The following SF3A1 variants were observed in gnomAD, a reference collection of about 807,000 sequenced individuals.
SF3A1 encodes SAP 114.
A neutral mutation model predicts 89.9 loss-of-function variants in SF3A1; 13 were observed. The ratio of observed to expected loss-of-function variants is 0.14; its 90% CI spans 0.09 to 0.23. The LOEUF (loss-of-function observed/expected upper bound fraction) is 0.23, where lower values mean the gene tolerates loss of function less well. Ranked by LOEUF, SF3A1 falls within the 10% of genes least tolerant of loss-of-function variation. The pLI is 1.00. For synonymous variants in SF3A1, 405 were observed against 374.4 expected, an observed-to-expected ratio of 1.08 and a Z score of -0.94; for missense variants, 604 against 1,022.1, an observed-to-expected ratio of 0.59 and a Z score of 5.58.
At chr22:30,343,654 A>G (rs973787050) in intron 4 of SF3A1, among the ~76,000 whole-genome samples, 1 of 152,230 alleles carries the variant, frequency 6.6e-6, no homozygotes, top group Non-Finnish European at 1.5e-5. Flanking sequence ...TTCTGAAGAA[A>G]AAACAGGAAA....
At chr22:30,342,395 T>G (rs1256381304) in intron 5 of SF3A1, 45 bp from the exon 6 acceptor site, 1 of 1,554,040 alleles carries the variant, frequency 6.4e-7, no homozygotes, top group Non-Finnish European at 8.7e-7. Flanking sequence ...AAGCAGGGTC[T>G]GCTCCTGATG....
chr22:30,356,533 C>A, intron 1 of SF3A1, 197 bp downstream of exon 1: 1 of 419,344 alleles, frequency 2.4e-6, no homozygotes, highest in Non-Finnish European at 4.1e-6. Context: ...GGGGCTGCTC[C>A]GCGGACCACT....
chr22:30,356,721 G>T lies in SF3A1; in HGVS notation c.63+9C>A. The T allele has an allele frequency of 1.3e-6, 2 of 1,490,114 alleles. No individual in the cohort carries two copies. The highest frequency in any genetic ancestry group is 1.8e-6 in the Non-Finnish European group (2 of 1,116,084). 92.3% of individuals were successfully genotyped at this position (1,490,114 alleles called of 1,614,324 possible). A position where few individuals can be genotyped will look rare whatever the true frequency, so the allele number is the denominator to read the frequency against. ...TCCGGCTGCAGGCTGAGGGGCGGGG[G>T]AGAGGTACCTGTTTGGGCTCCGTGG... On this transcript the variant is annotated intron_variant, in intron 1 of 15. Transcript: ENST00000215793.
chr22:30,355,911 T>C (rs1931803611), intron 1 of SF3A1, among the ~76,000 whole-genome samples: 1 of 148,724 alleles, frequency 6.7e-6, no homozygotes, highest in African/African-American at 2.5e-5. Flanking sequence ...CTATTTCCCT[T>C]CCCTAGTCAC....
At chr22:30,353,103 A>G (rs930845517) in intron 1 of SF3A1, 31 bp from the exon 2 acceptor site, 1 of 1,611,670 alleles carries the variant, frequency 6.2e-7, no homozygotes, top group African/African-American at 1.3e-5. Flanking sequence ...ATAAGGTTTT[A>G]AAGTCCCTGG....
At chr22:30,335,283 G>C (rs1186725824) in intron 15 of SF3A1, among the ~76,000 whole-genome samples, 184 bp downstream of exon 15, 1 of 152,144 alleles carries the variant, frequency 6.6e-6, no homozygotes, top group African/African-American at 2.4e-5. Context: ...CCCCACCAGA[G>C]CCTTGCATTG....
intron 11 of SF3A1, among the ~76,000 whole-genome samples, chr22:30,338,325 G>C (rs1931140287): frequency 6.6e-6 from 1 of 152,066 alleles, no homozygotes; most frequent in Non-Finnish European, 1.5e-5. Flanking sequence ...GGGCATGGTG[G>C]CGCATCCCTG....
At chr22:30,348,455 G>C (rs5753083) in intron 2 of SF3A1, among the ~76,000 whole-genome samples, 48,292 of 152,010 alleles carry the variant, frequency 0.32, 7,924 homozygotes, top group East Asian at 0.42. Context: ...CCAAGCCTGG[G>C]CAACAAAATG....
At chr22:30,344,213 G>A (rs1410885392) in intron 4 of SF3A1, among the ~76,000 whole-genome samples, 1 of 152,194 alleles carries the variant, frequency 6.6e-6, no homozygotes, top group Non-Finnish European at 1.5e-5. Context: ...CCCTGGCCAT[G>A]CTAACTTCAC....
intron 9 of SF3A1, 119 bp downstream of exon 9, chr22:30,340,077 A>G (rs1295562162): frequency 2.4e-6 from 2 of 835,898 alleles, no homozygotes; most frequent in Non-Finnish European, 3.4e-6. Flanking sequence ...GCAATATCAT[A>G]GAGTGCAACT....
At chr22:30,335,396 G>A in intron 15 of SF3A1, 71 bp downstream of exon 15, 1 of 1,312,254 alleles carries the variant, frequency 7.6e-7, no homozygotes, top group African/African-American at 1.4e-5. Context: ...TAGCTTCCAT[G>A]ACAGATTTAG....
intron 3 of SF3A1, 188 bp downstream of exon 3, chr22:30,346,124 G>A (rs1931410314): frequency 1.7e-6 from 1 of 593,662 alleles, no homozygotes; most frequent in Non-Finnish European, 3.0e-6. Flanking sequence ...GACAAGCAGT[G>A]CTCGGGAAAT....
intron 11 of SF3A1, among the ~76,000 whole-genome samples, chr22:30,338,481 G>A (rs561796574): frequency 2.0e-5 from 3 of 146,996 alleles, no homozygotes; most frequent in South Asian, 2.2e-4. Flanking sequence ...AAAAGAGGCC[G>A]AGACCTCGAC....
chr22:30,348,382 C>A (rs971051628), intron 2 of SF3A1, among the ~76,000 whole-genome samples: 1 of 152,206 alleles, frequency 6.6e-6, no homozygotes, highest in East Asian at 1.9e-4. Context: ...GTGGCGCACA[C>A]TTGTAGTCCC....
intron 13 of SF3A1, 93 bp downstream of exon 13, chr22:30,336,933 G>T: frequency 6.8e-7 from 1 of 1,468,284 alleles, no homozygotes; most frequent in Non-Finnish European, 9.5e-7. Flanking sequence ...AGCCAAGACT[G>T]GGAGTGAAAT....
intron 9 of SF3A1, among the ~76,000 whole-genome samples, chr22:30,339,747 T>C (rs1931189852): frequency 6.6e-6 from 1 of 152,098 alleles, no homozygotes; most frequent in African/African-American, 2.4e-5. Context: ...AGAGTGAAAC[T>C]CCGTCATTCA....
chr22:30,337,736 G>A lies in SF3A1; in HGVS notation c.1905C>T (p.Ala635=). 1 of 1,561,102 alleles carries A rather than the reference G, an allele frequency of 6.4e-7. No homozygotes were observed. The highest frequency in any genetic ancestry group is 8.7e-7 in the Non-Finnish European group (1 of 1,150,518). The part of the protein sequence containing the change: ...RINVVPMPPS[A]PPIMAPRPPP... ...GTGGGCGGGGGGCCATAATAGGAGG[G>A]GCCGAGGGAGGCATGGGCACCACGT... The change falls in exon 12 of 16, where the codon GCC becomes GCT. Residue 635 remains alanine, a synonymous_variant. Coordinates refer to ENST00000215793, the MANE Select transcript of SF3A1 (RefSeq NM_005877.6).
In SF3A1 at chr22:30,340,256, G is replaced by A. The variant is rs1931207299; in HGVS notation, c.1315C>T (p.Leu439=). Residue 439 remains leucine, a synonymous_variant, in exon 9 of 16, where the codon CTG becomes TTG. Coordinates refer to ENST00000215793, the MANE Select transcript of SF3A1 (RefSeq NM_005877.6). ...CGGATGGAGCGATCCCGCTGCTCCAGCCAGCGAGGGTCAAGAAGTCCAATG... is the reference window on the plus strand; with the variant it reads ...CGGATGGAGCGATCCCGCTGCTCCAACCAGCGAGGGTCAAGAAGTCCAATG... ...MRIGLLDPRW[L]EQRDRSIREK... 1 of 1,611,622 alleles carries A rather than the reference G, an allele frequency of 6.2e-7. No homozygotes were observed. The highest frequency in any genetic ancestry group is 1.7e-5 in the Admixed American group (1 of 59,242).
chr22:30,352,186 G>C (rs1450804036), intron 2 of SF3A1, among the ~76,000 whole-genome samples: 1 of 151,452 alleles, frequency 6.6e-6, no homozygotes, highest in Admixed American at 6.6e-5. Flanking sequence ...TGAGAAGCCA[G>C]CTAGCACCTG....
Sources: gnomAD v4.1 joint callset for allele counts (sites outside exome capture counted in the v4.1 genomes callset) on GRCh38, gnomAD v4.1.1 for gene constraint, MANE v1.5 for transcripts, NCBI Gene and HGNC (gene_info 2026-07-23, HGNC 2026-07-21) for gene names.